MSL2: variants seen among roughly 807,000 people sequenced by gnomAD.
MSL2 encodes E3 ubiquitin-protein ligase MSL2.
In MSL2, 2 loss-of-function variants were observed where a neutral mutation model predicts 35.8. The ratio of observed to expected loss-of-function variants is 0.06; its 90% CI spans 0.02 to 0.18. MSL2 has a LOEUF of 0.18. Ranked by LOEUF, MSL2 falls within the 10% of genes least tolerant of loss-of-function variation. The probability of loss-of-function intolerance (pLI) is 1.00; values close to 1 mark genes in which losing one functional copy is unlikely to be tolerated. For synonymous variants in MSL2, 296 were observed against 255.7 expected (o/e 1.16, Z -1.50); for missense variants, 523 against 706.7 (o/e 0.74, Z 2.95).
intron 1 of MSL2, among the ~76,000 whole-genome samples, chr3:136,186,055 T>C (rs1405217067): frequency 6.6e-6 from 1 of 152,192 alleles, no homozygotes; most frequent in African/African-American, 2.4e-5. Context: ...TAAAAATCCC[T>C]GAAGAATTCT....
chr3:136,194,319 A>G, intron 1 of MSL2: 1 of 741,200 alleles, frequency 1.3e-6, no homozygotes, highest in Non-Finnish European at 1.6e-6. Flanking sequence ...TTTTAACAAA[A>G]ACATCTAAAA....
Position 136,151,094 on chromosome 3 carries a change from C to G in MSL2, c.*53G>C. 1.9e-6 allele frequency: 3 copies of G among 1,565,014 alleles called. No homozygotes were observed. Among genetic ancestry groups the G allele is most frequent in the Non-Finnish European group, 1.7e-6 (2 of 1,147,330 alleles). On this transcript the variant is annotated 3_prime_UTR_variant, in exon 2 of 2. Transcript: ENST00000309993. This position sits in a 1 kb window ranked among gnomAD's most constrained non-coding sequence, Gnocchi z 5.2. ...GTTAAACCAACAGAACCATAGCTGC[C>G]GTAAAACTGTAGCTATTTCCCTACC... is the stretch of plus-strand genomic sequence containing the variant.
rs1448395988 is a variant in MSL2 at position 136,195,342 on chromosome 3, G to A, written c.-229C>T. 2 of 1,321,488 alleles carry A rather than the reference G, an allele frequency of 1.5e-6. No individual in the cohort carries two copies. Among genetic ancestry groups the A allele is most frequent in the Non-Finnish European group, 1.9e-6 (2 of 1,038,618 alleles). The allele number at this position is 1,321,488 out of a possible 1,614,324, so 81.9% of individuals were successfully genotyped here. A position where few individuals can be genotyped will look rare whatever the true frequency, so the allele number is the denominator to read the frequency against. On this transcript the variant is annotated 5_prime_UTR_variant, in exon 1 of 2. Coordinates refer to ENST00000309993, the MANE Select transcript of MSL2 (RefSeq NM_018133.4). Reference sequence around the variant, plus strand: ...CCTGAGACTTCCAGACCAAAAATATGAGAGAGAAACCAGCGTTCGAGTTCG... The same window carrying A: ...CCTGAGACTTCCAGACCAAAAATATAAGAGAGAAACCAGCGTTCGAGTTCG...
rs9883176 is a variant in MSL2 at position 136,195,989 on chromosome 3, A to G, written c.-876T>C. The G allele has an allele frequency of 1, 201,870 of 201,916 alleles. 100,912 individuals are homozygous for G. The highest frequency in any genetic ancestry group is 1 in the Middle Eastern group (404 of 404). The allele number at this position is 201,916 out of a possible 1,614,324, so 12.5% of individuals were successfully genotyped here. A position where few individuals can be genotyped will look rare whatever the true frequency, so the allele number is the denominator to read the frequency against. On this transcript the variant is annotated 5_prime_UTR_variant, in exon 1 of 2. Coordinates refer to ENST00000309993, the MANE Select transcript of MSL2 (RefSeq NM_018133.4). ...ACTGCCCGGCCATTTTTTCGGCGCC[A>G]CACACACAGACGACTCCTCCGCCGA...
intron 1 of MSL2, among the ~76,000 whole-genome samples, chr3:136,154,387 C>T (rs534690041): frequency 1.3e-5 from 2 of 152,210 alleles, no homozygotes; most frequent in East Asian, 3.9e-4. Flanking sequence ...ATGACATATA[C>T]ATACAAACCA....
At chr3:136,153,661 G>A (rs1939437321) in intron 1 of MSL2, among the ~76,000 whole-genome samples, 1 of 151,804 alleles carries the variant, frequency 6.6e-6, no homozygotes, top group Non-Finnish European at 1.5e-5. Context: ...ATGGTGGTAC[G>A]CACCTGTAGT....
At chr3:136,177,321 G>A (rs1940204117) in intron 1 of MSL2, among the ~76,000 whole-genome samples, 1 of 152,046 alleles carries the variant, frequency 6.6e-6, no homozygotes, top group South Asian at 2.1e-4. Flanking sequence ...AGAAAAATAT[G>A]CATTTTAATT....
Position 136,185,473 on chromosome 3 carries a change from G to C in MSL2, c.142+9499C>G, listed in dbSNP as rs1940492883. Among the ~76,000 whole-genome samples, 2 of 144,018 alleles carry C rather than the reference G, an allele frequency of 1.4e-5. 1 individual carries two copies. The highest frequency in any genetic ancestry group is 4.3e-4 in the South Asian group (2 of 4,610). The allele number at this position is 144,018 out of a possible 152,430, so 94.5% of individuals were successfully genotyped here. A position where few individuals can be genotyped will look rare whatever the true frequency, so the allele number is the denominator to read the frequency against. On this transcript the variant is annotated intron_variant, in intron 1 of 1. Coordinates refer to ENST00000309993, the MANE Select transcript of MSL2 (RefSeq NM_018133.4). ...TATGGACACAAAAATCACCCTTTTA[G>C]AGGAAACTAAAACAAGGATGCTACC...
Position 136,195,468 on chromosome 3 carries a change from A to G in MSL2, c.-355T>C, listed in dbSNP as rs1406050866. The G allele has an allele frequency of 9.7e-7, 1 of 1,028,274 alleles. No homozygotes were observed. The highest frequency in any genetic ancestry group is 1.2e-6 in the Non-Finnish European group (1 of 857,396). 63.7% of individuals were successfully genotyped at this position (1,028,274 alleles called of 1,614,324 possible). A position where few individuals can be genotyped will look rare whatever the true frequency, so the allele number is the denominator to read the frequency against. Reference sequence around the variant, plus strand: ...CGGCTCGGCAGGCGGCCTGCACTCGAGCTCCATCTCCGGACACGGAGGCGC... The same window carrying G: ...CGGCTCGGCAGGCGGCCTGCACTCGGGCTCCATCTCCGGACACGGAGGCGC... On this transcript the variant is annotated 5_prime_UTR_variant, in exon 1 of 2. Coordinates refer to ENST00000309993, the MANE Select transcript of MSL2 (RefSeq NM_018133.4).
At chr3:136,162,941 A>T (rs941934934) in intron 1 of MSL2, among the ~76,000 whole-genome samples, 2 of 151,466 alleles carry the variant, frequency 1.3e-5, no homozygotes, top group Non-Finnish European at 2.9e-5. Flanking sequence ...TGGGATAAAA[A>T]GTCAATGTTA....
chr3:136,194,877 T>G, intron 1 of MSL2, 95 bp downstream of exon 1: 1 of 1,555,214 alleles, frequency 6.4e-7, no homozygotes, highest in Non-Finnish European at 8.8e-7. Context: ...AAAAGCTTAA[T>G]ACCAACCACC....
At chr3:136,192,617 T>G (rs1449794350) in intron 1 of MSL2, among the ~76,000 whole-genome samples, 1 of 151,432 alleles carries the variant, frequency 6.6e-6, no homozygotes, top group African/African-American at 2.4e-5. Context: ...AAAAAGCATG[T>G]TTGAAAGGAC....
intron 1 of MSL2, among the ~76,000 whole-genome samples, chr3:136,177,986 C>G (rs561573110): frequency 6.6e-6 from 1 of 152,012 alleles, no homozygotes; most frequent in Non-Finnish European, 1.5e-5. Flanking sequence ...TAAGTCAGTA[C>G]TTTATACATG....
At chr3:136,163,159 T>A (rs953065796) in intron 1 of MSL2, among the ~76,000 whole-genome samples, 1 of 152,170 alleles carries the variant, frequency 6.6e-6, no homozygotes, top group African/African-American at 2.4e-5. Context: ...CTCGGAAGGC[T>A]ACGGCAGGAG....
At chr3:136,184,291 G>A (rs376497895) in intron 1 of MSL2, among the ~76,000 whole-genome samples, 77 of 151,750 alleles carry the variant, frequency 5.1e-4, no homozygotes, top group East Asian at 2.5e-3. Context: ...GTGAGACTCC[G>A]TCTGAAAAAA....
At chr3:136,155,006 G>A (rs1178651816) in intron 1 of MSL2, among the ~76,000 whole-genome samples, 4 of 151,992 alleles carry the variant, frequency 2.6e-5, no homozygotes, top group Non-Finnish European at 4.4e-5. Context: ...TCAAGAGACT[G>A]AGACCATCCT....
At chr3:136,188,981 A>G (rs2108095342) in intron 1 of MSL2, among the ~76,000 whole-genome samples, 1 of 151,860 alleles carries the variant, frequency 6.6e-6, no homozygotes, top group South Asian at 2.1e-4. Context: ...CTAAAGCAGT[A>G]TCATCTTGCA....
rs1210917126 is a variant in MSL2, at chr3:136,152,214, T to C, written c.667A>G (p.Thr223Ala). The C allele has an allele frequency of 6.2e-7, 1 of 1,614,166 alleles. No homozygotes were observed. Among genetic ancestry groups the C allele is most frequent in the Non-Finnish European group, 8.5e-7 (1 of 1,179,974 alleles). The change falls in exon 2 of 2, where the codon ACT (threonine) becomes GCT (alanine). Residue 223 changes from threonine to alanine, a missense_variant. Thr to Ala is a moderately conservative substitution (Grantham distance 58). Around this residue, in one of 5 missense-constraint regions of MSL2, gnomAD observed 361 missense variants for 414.6 expected, o/e 0.87. Transcript: ENST00000309993. ...AGATCCTCAGTTTTTATGTCAACAG[T>C]ATTACATACGTCAATCGTATTTGAA... ...EHSNTIDVCN[T>A]VDIKTEDLSD...
In MSL2 at chr3:136,152,777, AT is replaced by A. The variant is rs780757789; in HGVS notation, c.143-40del. ...GGAGGAAAGCAAAGATTTTAGTAAA[AT>A]AAATTTACCATTTCATAAACTGAAG... On this transcript the variant is annotated intron_variant, in intron 1 of 1. Transcript: ENST00000309993. The A allele has an allele frequency of 6.9e-6, 11 of 1,585,662 alleles. 1 individual carries two copies. The highest frequency in any genetic ancestry group is 1.7e-4 in the Middle Eastern group (1 of 5,894).
Sources: allele counts gnomAD v4.1 joint callset (sites outside exome capture counted in the v4.1 genomes callset), GRCh38; gene constraint gnomAD v4.1.1; regional missense constraint gnomAD v4.1.1; non-coding constraint Gnocchi (gnomAD v3.1); transcripts MANE v1.5; gene names NCBI Gene and HGNC (gene_info 2026-07-23, HGNC 2026-07-21).